The following ATP8A2 variants were observed in gnomAD, a reference collection of about 807,000 sequenced individuals.
ATP8A2 encodes phospholipid-transporting ATPase IB.
A neutral mutation model predicts 165.6 loss-of-function variants in ATP8A2; 100 were observed. The observed-to-expected ratio is 0.60, with a 90% CI of 0.51 to 0.71. The LOEUF (loss-of-function observed/expected upper bound fraction) is 0.71. Ranked by LOEUF, ATP8A2 falls within the 30% of genes least tolerant of loss-of-function variation. The pLI is 0.00. For synonymous variants in ATP8A2, 543 were observed against 548.8 expected (o/e 0.99, Z 0.15); for missense variants, 1,227 against 1,479.5 (o/e 0.83, Z 2.80).
At chr13:25,415,881 G>C (rs2138079016) in intron 1 of ATP8A2, among the ~76,000 whole-genome samples, 1 of 152,218 alleles carries the variant, frequency 6.6e-6, no homozygotes, top group African/African-American at 2.4e-5. Context: ...CCAGGCTGGA[G>C]TGTAGAGGCC....
intron 2 of ATP8A2, among the ~76,000 whole-genome samples, chr13:25,484,307 T>C (rs944615697): frequency 6.6e-6 from 1 of 152,184 alleles, no homozygotes; most frequent in Non-Finnish European, 1.5e-5. Context: ...AGAGTTGTAT[T>C]GAATTGTGAC....
chr13:25,785,222 A>C (rs2044994371), intron 27 of ATP8A2, among the ~76,000 whole-genome samples: 1 of 151,432 alleles, frequency 6.6e-6, no homozygotes, highest in Non-Finnish European at 1.5e-5. Context: ...AACATGGTGA[A>C]ACCCTGTCTG....
At chr13:25,709,590 C>T (rs956833177) in intron 25 of ATP8A2, among the ~76,000 whole-genome samples, 8 of 152,100 alleles carry the variant, frequency 5.3e-5, no homozygotes, top group Admixed American at 2.6e-4. Context: ...GAACACATGA[C>T]TATACATTTA....
Position 25,555,011 on chromosome 13 carries a change from A to G in ATP8A2, c.1206A>G (p.Ile402Met), listed in dbSNP as rs764998165. Residue 402 changes from isoleucine (I) to methionine (M), a missense_variant, in exon 13 of 37, where the codon ATA (isoleucine) becomes ATG (methionine). Physicochemically the swap from Ile to Met is conservative, Grantham distance 10. Around this residue, in one of 5 missense-constraint regions of ATP8A2, gnomAD observed 592 missense variants for 785.6 expected, o/e 0.75. Transcript: ENST00000381655. ...FINWDTDMYY[I>M]GNDTPAMART... The stretch of plus-strand genomic sequence containing the variant: ...CTCAGGACACAGATATGTATTATAT[A>G]GGAAATGACACTCCTGCCATGGCCA... 3 of 1,610,780 alleles carry G rather than the reference A, an allele frequency of 1.9e-6. No individual in the cohort carries two copies. The highest frequency in any genetic ancestry group is 1.1e-5 in the South Asian group (1 of 90,938).
At chr13:25,388,459 G>T (rs557329518) in intron 1 of ATP8A2, among the ~76,000 whole-genome samples, 2 of 152,150 alleles carry the variant, frequency 1.3e-5, no homozygotes, top group Non-Finnish European at 2.9e-5. Context: ...CCTTTTAAGG[G>T]CTCAGGACTC....
At chr13:25,449,038 A>G (rs1405771684) in intron 1 of ATP8A2, among the ~76,000 whole-genome samples, 3 of 152,180 alleles carry the variant, frequency 2.0e-5, no homozygotes, top group South Asian at 4.1e-4. Context: ...AAAAATCCTC[A>G]TGATTTCCCT....
intron 33 of ATP8A2, chr13:25,871,227 G>T: frequency 2.5e-6 from 1 of 402,656 alleles, no homozygotes; most frequent in Non-Finnish European, 4.8e-6. Flanking sequence ...GATTTTGTTT[G>T]TTTGTAATAT....
At chr13:25,399,265 A>G (rs9319217) in intron 1 of ATP8A2, among the ~76,000 whole-genome samples, 126,912 of 151,924 alleles carry the variant, frequency 0.84, 53,167 homozygotes, top group Middle Eastern at 0.9. Flanking sequence ...CTGATTCAGG[A>G]AGTCTGGGAT....
At chr13:25,969,134 A>C (rs1011752870) in intron 35 of ATP8A2, among the ~76,000 whole-genome samples, 2 of 152,252 alleles carry the variant, frequency 1.3e-5, no homozygotes, top group Admixed American at 6.5e-5. Context: ...AGCATATCTA[A>C]ATGGGGGAGT....
At chr13:25,911,881 A>G (rs1195121857) in intron 33 of ATP8A2, among the ~76,000 whole-genome samples, 1 of 152,188 alleles carries the variant, frequency 6.6e-6, no homozygotes, top group African/African-American at 2.4e-5. Context: ...TTAAAAAATT[A>G]ACTGTGGAGA....
At chr13:25,919,354 A>T (rs1954371578) in intron 33 of ATP8A2, among the ~76,000 whole-genome samples, 1 of 152,156 alleles carries the variant, frequency 6.6e-6, no homozygotes, top group Admixed American at 6.5e-5. Flanking sequence ...TGTGATTCTT[A>T]TCTGAGCGTA....
intron 24 of ATP8A2, among the ~76,000 whole-genome samples, chr13:25,674,622 A>T (rs1276051390): frequency 1.3e-5 from 2 of 152,224 alleles, no homozygotes; most frequent in Non-Finnish European, 2.9e-5. Flanking sequence ...TCTAAAGAGC[A>T]TAAAATTCCC....
At chr13:25,806,005 G>A (rs1217437168) in intron 27 of ATP8A2, among the ~76,000 whole-genome samples, 4 of 152,178 alleles carry the variant, frequency 2.6e-5, no homozygotes, top group Admixed American at 2.6e-4. Context: ...CAGGTCATAA[G>A]AGCAGGCTCC....
chr13:25,853,398 T>A (rs202114194), intron 30 of ATP8A2, among the ~76,000 whole-genome samples: 3,076 of 58,388 alleles, frequency 0.053, 111 homozygotes, highest in African/African-American at 0.12. Context: ...CTAAAAAAAA[T>A]ATATATATAT....
chr13:25,898,568 T>G (rs1443224253), intron 33 of ATP8A2, among the ~76,000 whole-genome samples: 1 of 152,236 alleles, frequency 6.6e-6, no homozygotes, highest in Non-Finnish European at 1.5e-5. Flanking sequence ...GACAGGGACA[T>G]TTAAGTCTGC....
At chr13:25,613,125 C>T (rs1336807455) in intron 24 of ATP8A2, among the ~76,000 whole-genome samples, 5 of 152,142 alleles carry the variant, frequency 3.3e-5, no homozygotes, top group African/African-American at 4.8e-5. Flanking sequence ...TTACATTCAA[C>T]GTTAGCATTG....
chr13:25,809,868 C>A (rs527629049), intron 27 of ATP8A2, among the ~76,000 whole-genome samples: 1 of 152,118 alleles, frequency 6.6e-6, no homozygotes, highest in African/African-American at 2.4e-5. Flanking sequence ...AATGATCAAG[C>A]AGGAGTGAGT....
chr13:25,382,767 T>G (rs1394484538), intron 1 of ATP8A2, among the ~76,000 whole-genome samples: 2 of 152,088 alleles, frequency 1.3e-5, no homozygotes, highest in Admixed American at 6.5e-5. Context: ...TCCTTTTTTT[T>G]TTTTTTGAGA....
intron 25 of ATP8A2, among the ~76,000 whole-genome samples, chr13:25,730,856 A>G (rs2043605944): frequency 1.3e-5 from 2 of 152,196 alleles, no homozygotes; most frequent in East Asian, 3.9e-4. Flanking sequence ...CAGGAGAATT[A>G]CTTGAGACCA....
Sources: allele counts gnomAD v4.1 joint callset (sites outside exome capture counted in the v4.1 genomes callset), GRCh38; gene constraint gnomAD v4.1.1; regional missense constraint gnomAD v4.1.1; transcripts MANE v1.5; gene names NCBI Gene and HGNC (gene_info 2026-07-23, HGNC 2026-07-21).